Variants in SLC35F3 observed in about 807,000 individuals in gnomAD.
The protein encoded by SLC35F3 is putative thiamine transporter SLC35F3.
A neutral mutation model predicts 49.9 loss-of-function variants in SLC35F3; 25 were observed. The ratio of observed to expected loss-of-function variants is 0.50; its 90% CI spans 0.37 to 0.70. The LOEUF is 0.70. Among genes scored for constraint, SLC35F3 ranks in the 30% least tolerant of loss-of-function variants. The probability of loss-of-function intolerance (pLI) is 0.00; values close to 1 mark genes in which losing one functional copy is unlikely to be tolerated. For synonymous variants in SLC35F3, 275 were observed against 265.4 expected (o/e 1.04, Z -0.35); for missense variants, 525 against 639.8 (o/e 0.82, Z 1.94).
intron 2 of SLC35F3, among the ~76,000 whole-genome samples, chr1:234,084,352 C>T (rs1664929443): frequency 6.6e-6 from 1 of 152,084 alleles, no homozygotes; most frequent in South Asian, 2.1e-4. Context: ...GAATCCCATT[C>T]AGTTATTTGC....
chr1:234,044,123 G>C (rs1664258890), intron 2 of SLC35F3, among the ~76,000 whole-genome samples: 1 of 152,152 alleles, frequency 6.6e-6, no homozygotes. Context: ...CAAGAGACTG[G>C]AATAGTTCTC....
chr1:234,127,300 G>A (rs2102896353), intron 2 of SLC35F3, among the ~76,000 whole-genome samples: 1 of 152,214 alleles, frequency 6.6e-6, no homozygotes, highest in East Asian at 1.9e-4. Flanking sequence ...TAACTCTTCA[G>A]GGCTTATGAA....
At chr1:234,059,161 A>G (rs950191114) in intron 2 of SLC35F3, among the ~76,000 whole-genome samples, 7 of 148,084 alleles carry the variant, frequency 4.7e-5, no homozygotes, top group African/African-American at 1.5e-4. Context: ...TTGTTTTTCT[A>G]TTCTCTATAT....
chr1:234,048,694 A>G (rs117297447), intron 2 of SLC35F3, among the ~76,000 whole-genome samples: 2,680 of 140,888 alleles, frequency 0.019, 121 homozygotes, highest in East Asian at 0.18. Context: ...CCTGGCATAC[A>G]TTCAGGGGTG....
At chr1:234,082,778 AC>A (rs1268730165) in intron 2 of SLC35F3, among the ~76,000 whole-genome samples, 1 of 152,194 alleles carries the variant, frequency 6.6e-6, no homozygotes, top group Non-Finnish European at 1.5e-5. Context: ...CTTTATAAAA[AC>A]ATCAGATCTC....
chr1:234,241,945 G>A (rs1260806046), intron 3 of SLC35F3, among the ~76,000 whole-genome samples: 2 of 152,002 alleles, frequency 1.3e-5, no homozygotes, highest in East Asian at 1.9e-4. Context: ...TGGCCTTTCT[G>A]CACATGCCAT....
intron 3 of SLC35F3, among the ~76,000 whole-genome samples, chr1:234,280,695 T>C (rs1668308827): frequency 6.6e-6 from 1 of 152,234 alleles, no homozygotes; most frequent in African/African-American, 2.4e-5. Context: ...ACTCACCACG[T>C]GCTGGTGTGG....
At chr1:234,036,038 C>T (rs1664136663) in intron 2 of SLC35F3, among the ~76,000 whole-genome samples, 1 of 152,112 alleles carries the variant, frequency 6.6e-6, no homozygotes, top group Non-Finnish European at 1.5e-5. Context: ...GAATGGATGA[C>T]TTTAAGTTTA....
intron 2 of SLC35F3, among the ~76,000 whole-genome samples, chr1:234,227,819 G>A (rs1003782685): frequency 6.6e-6 from 1 of 152,200 alleles, no homozygotes; most frequent in African/African-American, 2.4e-5. Flanking sequence ...AGATTTGAAA[G>A]GCTTCTGAAA....
rs972839917 is a variant in SLC35F3 at position 234,098,584 on chromosome 1, G to A, written c.284-132833G>A. The stretch of plus-strand genomic sequence containing the variant: ...TGGTGGTGGTGGCAATTCAGATGGC[G>A]GTGGTAGTGACAGTGTTATAGGGTG... On this transcript the variant is annotated intron_variant, in intron 2 of 7. Transcript: ENST00000366618. 4.8e-4 allele frequency among the ~76,000 whole-genome samples: 72 copies of A among 151,170 alleles called. 1 individual carries two copies. Among genetic ancestry groups the A allele is most frequent in the Middle Eastern group, 3.4e-3 (1 of 290 alleles).
At chr1:233,932,154 G>T (rs771859343) in intron 2 of SLC35F3, among the ~76,000 whole-genome samples, 5 of 152,102 alleles carry the variant, frequency 3.3e-5, no homozygotes, top group Admixed American at 6.6e-5. Context: ...CTGGGGGTGG[G>T]GGGCTAGGAG....
At chr1:234,143,186 C>T (rs1464922360) in intron 2 of SLC35F3, among the ~76,000 whole-genome samples, 2 of 152,108 alleles carry the variant, frequency 1.3e-5, no homozygotes, top group South Asian at 2.1e-4. Context: ...CTTTAAGCTA[C>T]GTCCCTACTC....
chr1:234,165,946 C>T (rs1416687436), intron 2 of SLC35F3, among the ~76,000 whole-genome samples: 1 of 152,078 alleles, frequency 6.6e-6, no homozygotes, highest in Non-Finnish European at 1.5e-5. Context: ...TGAGAACATG[C>T]GGTATTTGGT....
At chr1:234,037,819 G>T (rs948768169) in intron 2 of SLC35F3, among the ~76,000 whole-genome samples, 4 of 152,132 alleles carry the variant, frequency 2.6e-5, no homozygotes, top group Admixed American at 2.6e-4. Flanking sequence ...GAGTGTGCTT[G>T]GCCTGTTTGA....
At chr1:234,287,546 C>G (rs1668442246) in intron 3 of SLC35F3, among the ~76,000 whole-genome samples, 1 of 152,272 alleles carries the variant, frequency 6.6e-6, no homozygotes, top group African/African-American at 2.4e-5. Context: ...ATATCCCAGG[C>G]ACTAACCTAA....
chr1:234,001,090 G>C (rs1160951415), intron 2 of SLC35F3, among the ~76,000 whole-genome samples: 2 of 152,222 alleles, frequency 1.3e-5, no homozygotes, highest in Non-Finnish European at 2.9e-5. Context: ...GCAGCCACAT[G>C]ACACATCTGG....
intron 2 of SLC35F3, among the ~76,000 whole-genome samples, chr1:233,940,861 T>A (rs954170801): frequency 6.6e-6 from 1 of 152,216 alleles, no homozygotes; most frequent in African/African-American, 2.4e-5. Flanking sequence ...TCAAAGAGAA[T>A]GCACATTAAT....
intron 2 of SLC35F3, among the ~76,000 whole-genome samples, chr1:233,915,413 G>C (rs968190471): frequency 3.3e-5 from 5 of 152,158 alleles, no homozygotes; most frequent in African/African-American, 1.2e-4. Flanking sequence ...AGCAATGGTG[G>C]TGCGCACGTG....
chr1:233,910,808 G>C (rs10910309), intron 2 of SLC35F3, among the ~76,000 whole-genome samples: 45,367 of 152,052 alleles, frequency 0.3, 7,456 homozygotes, highest in Admixed American at 0.45. Flanking sequence ...ATTCACTACA[G>C]GTTCTGGTAT....
Sources: gnomAD v4.1 joint callset for allele counts (sites outside exome capture counted in the v4.1 genomes callset) on GRCh38, gnomAD v4.1.1 for gene constraint, MANE v1.5 for transcripts, NCBI Gene and HGNC (gene_info 2026-07-23, HGNC 2026-07-21) for gene names.